Variants in MYH9 observed in about 807,000 individuals in gnomAD.
MYH9 encodes myosin heavy chain 9.
In MYH9, 29 loss-of-function variants were observed where a neutral mutation model predicts 241.9. The ratio of observed to expected loss-of-function variants is 0.12; its 90% CI spans 0.09 to 0.16. MYH9 has a LOEUF of 0.16. MYH9 is among the 10% of genes least tolerant of loss of function. MYH9 has a pLI of 1.00. For synonymous variants in MYH9, 1,047 were observed against 1,062.6 expected, an observed-to-expected ratio of 0.99 and a Z score of 0.29; for missense variants, 1,803 against 2,595.5, an observed-to-expected ratio of 0.69 and a Z score of 6.63.
chr22:36,295,202 C>T lies in MYH9; in HGVS notation c.3486-126G>A. 1 of 1,279,726 alleles carries T rather than the reference C, an allele frequency of 7.8e-7. No individual in the cohort carries two copies. Among genetic ancestry groups the T allele is most frequent in the Non-Finnish European group, 1.1e-6 (1 of 888,674 alleles). The allele number at this position is 1,279,726 out of a possible 1,614,324, so 79.3% of individuals were successfully genotyped here. On this transcript the variant is annotated intron_variant, in intron 26 of 40. Coordinates refer to ENST00000216181, the MANE Select transcript of MYH9 (RefSeq NM_002473.6). This position sits in a 1 kb window ranked among gnomAD's most constrained non-coding sequence, Gnocchi z 4.1. ...GCACTCCAGGCAGCTTTTCTACCCA[C>T]CGGCCCCTCCTAGCCATCTATCCCA...
chr22:36,311,313 G>A (rs2017059831), intron 14 of MYH9, among the ~76,000 whole-genome samples: 1 of 152,208 alleles, frequency 6.6e-6, no homozygotes. Flanking sequence ...CTGACTGACT[G>A]TGGCAGACTT....
intron 15 of MYH9, among the ~76,000 whole-genome samples, chr22:36,307,450 G>A (rs942126504): frequency 2.6e-5 from 4 of 152,208 alleles, no homozygotes; most frequent in African/African-American, 9.6e-5. Context: ...TTCTATTACT[G>A]GATATAAAAG....
chr22:36,347,485 C>A (rs2017695134), intron 2 of MYH9, among the ~76,000 whole-genome samples: 1 of 151,800 alleles, frequency 6.6e-6, no homozygotes, highest in South Asian at 2.1e-4. Context: ...GTAATCCCAG[C>A]ACTTTGGGAG....
chr22:36,299,826 A>G (rs966431841), intron 23 of MYH9, among the ~76,000 whole-genome samples: 3 of 152,148 alleles, frequency 2.0e-5, no homozygotes, highest in Admixed American at 6.5e-5. Context: ...AGTGACCAAC[A>G]CTTGCAATGC....
At chr22:36,303,957 G>A (rs755798362) in intron 19 of MYH9, 38 bp downstream of exon 19, 2 of 1,611,124 alleles carry the variant, frequency 1.2e-6, no homozygotes, top group South Asian at 1.1e-5. Context: ...GCGTGGCAAG[G>A]CCTGGCATGC....
chr22:36,345,615 G>C (rs1183973835), intron 2 of MYH9, among the ~76,000 whole-genome samples: 1 of 152,224 alleles, frequency 6.6e-6, no homozygotes, highest in Non-Finnish European at 1.5e-5. Flanking sequence ...TTAAAGCACA[G>C]TCTGCCATTC....
chr22:36,322,280 T>C, intron 6 of MYH9, 149 bp downstream of exon 6: 1 of 866,234 alleles, frequency 1.2e-6, no homozygotes, highest in East Asian at 2.6e-5. Context: ...TGGCATTCGG[T>C]CTGGCCTAGT....
rs1270140516 is a variant in MYH9 at position 36,294,728 on chromosome 22, A to C, written c.3630+204T>G. Among the ~76,000 whole-genome samples the C allele has an allele frequency of 2.0e-5, 3 of 152,240 alleles. No individual in the cohort carries two copies. In the East Asian group the frequency reaches 5.8e-4, roughly 29 times the overall value. On this transcript the variant is annotated intron_variant, in intron 27 of 40. Transcript: ENST00000216181. ...GATGTAATGTTTTCACCCTCAAATA[A>C]TCACGAGACAGACATACCATAATCC...
chr22:36,282,833 G>A (rs768967714), intron 40 of MYH9, 48 bp from the exon 41 acceptor site: 2 of 1,529,154 alleles, frequency 1.3e-6, no homozygotes, highest in Middle Eastern at 2.0e-4. Flanking sequence ...GGCCAGGCCA[G>A]GGGCGGCCAC....
In MYH9 at chr22:36,306,138, G is replaced by T; in HGVS notation, c.2038-87C>A. ...CAGGGAACCCCTATGAACCTGACAG[G>T]GCAAGAGCCTAAGGGAGGGGGTCGC... On this transcript the variant is annotated intron_variant, in intron 16 of 40. Transcript: ENST00000216181. The surrounding 1 kb of genome is among the most constrained non-coding windows in gnomAD (Gnocchi z 4.1). 1 of 1,591,278 alleles carries T rather than the reference G, an allele frequency of 6.3e-7. No homozygotes were observed.
chr22:36,377,934 C>T (rs893313360), intron 1 of MYH9, among the ~76,000 whole-genome samples: 5 of 151,572 alleles, frequency 3.3e-5, no homozygotes, highest in African/African-American at 9.7e-5. Flanking sequence ...AAAACTTGAA[C>T]GTGTATTTCC....
rs111297681 is a variant in MYH9 at position 36,341,580 on chromosome 22, T to C, written c.334-54A>G. 11 of 1,596,920 alleles carry C rather than the reference T, an allele frequency of 6.9e-6. No homozygotes were observed. The African/African-American group carries it at 9.4e-5, about 14-fold the overall frequency. ...GGTTAGGAAGTTTGATTCTCAGTAG[T>C]GTACAAACTTTGTAGCAAAATATCT... On this transcript the variant is annotated intron_variant, in intron 2 of 40. Transcript: ENST00000216181.
At chr22:36,316,191 C>T (rs1859140002) in intron 12 of MYH9, among the ~76,000 whole-genome samples, 1 of 151,764 alleles carries the variant, frequency 6.6e-6, no homozygotes, top group African/African-American at 2.4e-5. Flanking sequence ...GCATGCGCCA[C>T]CACGCCCGGC....
Position 36,281,832 on chromosome 22 carries a change from G to A in MYH9, c.*836C>T, listed in dbSNP as rs1437879787. The A allele has an allele frequency of 4.3e-6, 1 of 231,124 alleles. No individual in the cohort carries two copies. Among genetic ancestry groups the A allele is most frequent in the Non-Finnish European group, 8.6e-6 (1 of 116,534 alleles). 14.3% of individuals were successfully genotyped at this position (231,124 alleles called of 1,614,324 possible). On this transcript the variant is annotated 3_prime_UTR_variant, in exon 41 of 41. Coordinates refer to ENST00000216181, the MANE Select transcript of MYH9 (RefSeq NM_002473.6). Reference sequence around the variant, plus strand: ...GGGCCGCTGGCCCCTCTAACGCTCTGGCTGTCAGACTTGGGACAAGTCCCT... The same window carrying A: ...GGGCCGCTGGCCCCTCTAACGCTCTAGCTGTCAGACTTGGGACAAGTCCCT...
chr22:36,387,506 C>T (rs943952498), intron 1 of MYH9, among the ~76,000 whole-genome samples: 4 of 151,882 alleles, frequency 2.6e-5, no homozygotes, highest in African/African-American at 7.2e-5. Flanking sequence ...GCTCCAGTGC[C>T]CAGTCCTGAG....
chr22:36,358,663 A>C (rs971853718), intron 1 of MYH9, among the ~76,000 whole-genome samples: 67 of 151,956 alleles, frequency 4.4e-4, no homozygotes, highest in Non-Finnish European at 7.4e-5. Flanking sequence ...ACTCCTCCCC[A>C]GCCCTCCGCC....
At position 36,329,012 on chromosome 22, in the gene MYH9, T is replaced by C. The variant is rs2017379584; in HGVS notation, c.491-1524A>G. 1 of 152,222 alleles carries C rather than the reference T, an allele frequency of 6.6e-6. No homozygotes were observed. The highest frequency in any genetic ancestry group is 2.4e-5 in the African/African-American group (1 of 41,428). 9.4% of individuals were successfully genotyped at this position (152,222 alleles called of 1,614,324 possible). On this transcript the variant is annotated intron_variant, in intron 3 of 40. Transcript: ENST00000216181. This position sits in a 1 kb window ranked among gnomAD's most constrained non-coding sequence, Gnocchi z 4.1. ...CTGGGCACTGCCTCCAATCTCTTCT[T>C]CTGCCCACTGGTCATTCAGGAGGGA...
At position 36,288,313 on chromosome 22, in the gene MYH9, G is replaced by A. The variant is rs1391531785; in HGVS notation, c.4871C>T (p.Ala1624Val). 1.2e-5 allele frequency: 19 copies of A among 1,613,980 alleles called. No homozygotes were observed. Among genetic ancestry groups the A allele is most frequent in the African/African-American group, 4.0e-5 (3 of 74,918 alleles). ...GTTCTTGTTGGCCGAGTCGATGTGC[G>A]CCTCCAGGTCCTTCAGGTCCATCTC... ...KLEMDLKDLE[A>V]HIDSANKNRD... is the part of the protein sequence containing the mutation. The change falls in exon 34 of 41, where the codon GCG (alanine) becomes GTG (valine). Residue 1624 changes from alanine (A) to valine (V), a missense_variant. Around this residue, in one of 11 missense-constraint regions of MYH9, gnomAD observed 876 missense variants for 1,077.8 expected, o/e 0.81. Coordinates refer to ENST00000216181, the MANE Select transcript of MYH9 (RefSeq NM_002473.6). This position sits in a 1 kb window ranked among gnomAD's most constrained non-coding sequence, Gnocchi z 4.8.
rs529340611 is a variant in MYH9 at position 36,327,110 on chromosome 22, G to T, written c.518+351C>A. 3.6e-3 allele frequency among the ~76,000 whole-genome samples: 549 copies of T among 152,316 alleles called. 1 individual carries two copies. Among genetic ancestry groups the T allele is most frequent in the African/African-American group, 0.012 (493 of 41,562 alleles). On this transcript the variant is annotated intron_variant, in intron 4 of 40. Coordinates refer to ENST00000216181, the MANE Select transcript of MYH9 (RefSeq NM_002473.6). ...CAGTGTCTACTTCAATTCAGGTAAAGAAAAGCCACCATCCAGAGCAAGAAG... is the reference window on the plus strand; with the variant it reads ...CAGTGTCTACTTCAATTCAGGTAAATAAAAGCCACCATCCAGAGCAAGAAG...
Sources: allele counts gnomAD v4.1 joint callset (sites outside exome capture counted in the v4.1 genomes callset), GRCh38; gene constraint gnomAD v4.1.1; regional missense constraint gnomAD v4.1.1; non-coding constraint Gnocchi (gnomAD v3.1); transcripts MANE v1.5; gene names NCBI Gene and HGNC (gene_info 2026-07-23, HGNC 2026-07-21).